Variants in CFAP52 observed in about 807,000 individuals in gnomAD.
CFAP52 encodes the protein cilia- and flagella-associated protein 52.
In CFAP52, 57 loss-of-function variants were observed where a neutral mutation model predicts 70.5. That is an observed-to-expected ratio of 0.81 (90% CI 0.65 to 1.01). The LOEUF is 1.01. Ranked by LOEUF, CFAP52 falls within the 50% of genes least tolerant of loss-of-function variation. The probability of loss-of-function intolerance (pLI) is 0.00; values close to 1 mark genes in which losing one functional copy is unlikely to be tolerated. For missense variants in CFAP52, 785 were observed against 788.5 expected (o/e 1.00, Z 0.05); for synonymous variants, 267 against 292.5 (o/e 0.91, Z 0.89).
intron 4 of CFAP52, among the ~76,000 whole-genome samples, chr17:9,595,537 A>G (rs1322890798): frequency 6.6e-6 from 1 of 152,138 alleles, no homozygotes; most frequent in East Asian, 1.9e-4. Flanking sequence ...TGACTAAGCC[A>G]GGGTTTTATA....
Position 9,633,903 on chromosome 17 carries a change from G to A in CFAP52, c.1320+870G>A, listed in dbSNP as rs1264096013. On this transcript the variant is annotated intron_variant, in intron 10 of 13. Transcript: ENST00000352665. ...TCACCGTGTTAGCCAGGATGGTCTC[G>A]ATCTCCTGACCTCGTGATCCGCCTG... is the stretch of plus-strand genomic sequence containing the variant. Among the ~76,000 whole-genome samples the A allele has an allele frequency of 5.3e-5, 8 of 151,264 alleles. No homozygotes were observed. In the East Asian group the frequency reaches 1.2e-3, roughly 23 times the overall value.
chr17:9,600,592 T>A (rs894548897), intron 6 of CFAP52, among the ~76,000 whole-genome samples: 2 of 151,922 alleles, frequency 1.3e-5, no homozygotes, highest in East Asian at 3.9e-4. Context: ...TGAGAAAGAG[T>A]CTCGCTCTGT....
intron 8 of CFAP52, among the ~76,000 whole-genome samples, chr17:9,616,013 G>C (rs1017773805): frequency 1.3e-5 from 2 of 151,266 alleles, no homozygotes; most frequent in African/African-American, 4.9e-5. Context: ...GGCCGAATAG[G>C]AACAGCTCCG....
chr17:9,631,751 G>C (rs1253649481), intron 9 of CFAP52, among the ~76,000 whole-genome samples: 1 of 151,898 alleles, frequency 6.6e-6, no homozygotes, highest in African/African-American at 2.4e-5. Flanking sequence ...TAAGTGCAGT[G>C]GGAAAATGTT....
intron 8 of CFAP52, among the ~76,000 whole-genome samples, chr17:9,613,522 G>T (rs1909789756): frequency 6.6e-6 from 1 of 151,204 alleles, no homozygotes; most frequent in South Asian, 2.1e-4. Flanking sequence ...TTGTTTGTTT[G>T]TTTGTTTGTT....
intron 1 of CFAP52, among the ~76,000 whole-genome samples, chr17:9,579,769 C>T (rs567622591): frequency 6.6e-6 from 1 of 152,072 alleles, no homozygotes; most frequent in South Asian, 2.1e-4. Flanking sequence ...TGTTTCGCCA[C>T]GTTGGCCAGG....
chr17:9,585,603 G>A (rs1329098783), intron 1 of CFAP52, among the ~76,000 whole-genome samples, 170 bp from the exon 2 acceptor site: 2 of 20,260 alleles, frequency 9.9e-5, no homozygotes, highest in Admixed American at 7.5e-4. Context: ...CCCAGGAGGT[G>A]AAGGTTGCAG....
At position 9,641,670 on chromosome 17, in the gene CFAP52, A is replaced by C. The variant is rs1597799821; in HGVS notation, c.1576-54A>C. ...AGAGCCATCTTTTGTTAGCATGTGC[A>C]TGGATGACTCTCCTGAGCTGAGTCC... On this transcript the variant is annotated intron_variant, in intron 12 of 13. Transcript: ENST00000352665. 6 of 1,336,240 alleles carry C rather than the reference A, an allele frequency of 4.5e-6. No homozygotes were observed. In the African/African-American group the frequency reaches 5.8e-5, roughly 13 times the overall value. 82.8% of individuals were successfully genotyped at this position (1,336,240 alleles called of 1,614,324 possible). A position where few individuals can be genotyped will look rare whatever the true frequency, so the allele number is the denominator to read the frequency against.
At chr17:9,597,381 C>A (rs1020801597) in intron 4 of CFAP52, 4 of 151,766 alleles carry the variant, frequency 2.6e-5, no homozygotes, top group Non-Finnish European at 5.9e-5. Context: ...ATTCTCACCG[C>A]CAAAAAAATG....
chr17:9,607,369 TAAATA>T (rs1171592377), intron 6 of CFAP52, among the ~76,000 whole-genome samples: 2 of 152,106 alleles, frequency 1.3e-5, no homozygotes, highest in Admixed American at 1.3e-4. Flanking sequence ...TAATAACAAA[TAAATA>T]AAATAAAATA....
chr17:9,595,418 C>T (rs956273683), intron 4 of CFAP52, among the ~76,000 whole-genome samples: 1 of 152,022 alleles, frequency 6.6e-6, no homozygotes, highest in East Asian at 1.9e-4. Flanking sequence ...ATTCAGAGGC[C>T]ATGAAGCTAA....
intron 6 of CFAP52, among the ~76,000 whole-genome samples, chr17:9,603,397 G>A (rs1009902919): frequency 3.9e-5 from 6 of 152,054 alleles, no homozygotes; most frequent in Non-Finnish European, 7.4e-5. Flanking sequence ...TTTTAGTAGA[G>A]ACGGGGTTTC....
At chr17:9,631,620 G>A (rs1052942713) in intron 9 of CFAP52, among the ~76,000 whole-genome samples, 9 of 152,226 alleles carry the variant, frequency 5.9e-5, no homozygotes, top group Admixed American at 5.9e-4. Context: ...TTAGTGGGTA[G>A]TTGGGCTAGG....
chr17:9,632,975 C>A lies in CFAP52; in HGVS notation c.1262C>A (p.Thr421Asn). Residue 421 changes from threonine to asparagine, a missense_variant, in exon 10 of 14, where the codon ACC becomes AAC. Thr to Asn is a moderately conservative substitution (Grantham distance 65). Coordinates refer to ENST00000352665, the MANE Select transcript of CFAP52 (RefSeq NM_145054.5). Reference sequence around the variant, plus strand: ...AACAATGCTCACAGGATCGGCGTCACCGCCATCGCCACCACCAGTGACTGT... The same window carrying A: ...AACAATGCTCACAGGATCGGCGTCAACGCCATCGCCACCACCAGTGACTGT... The part of the protein sequence containing the change: ...VINNAHRIGV[T>N]AIATTSDCKR... The A allele has an allele frequency of 6.2e-7, 1 of 1,614,238 alleles. No homozygotes were observed. The highest frequency in any genetic ancestry group is 8.5e-7 in the Non-Finnish European group (1 of 1,180,050).
At chr17:9,602,687 C>T (rs887794486) in intron 6 of CFAP52, among the ~76,000 whole-genome samples, 2 of 152,184 alleles carry the variant, frequency 1.3e-5, no homozygotes, top group Admixed American at 1.3e-4. Flanking sequence ...TGAGGAATCA[C>T]CACACTGTCT....
At chr17:9,640,731 C>T (rs540645629) in intron 12 of CFAP52, among the ~76,000 whole-genome samples, 4 of 152,218 alleles carry the variant, frequency 2.6e-5, no homozygotes, top group South Asian at 4.2e-4. Context: ...ACAACTTTCA[C>T]CTCCTGGGTA....
chr17:9,643,195 C>T lies in CFAP52; in HGVS notation c.1860C>T (p.Ser620=), dbSNP rs1195775715. The change falls in exon 14 of 14, where the codon TCC becomes TCT. Residue 620 remains serine, a synonymous_variant. Transcript: ENST00000352665. ...TGCGATGGAAGTACCCATATACCTC[C>T]TGAAGCTGATGAGATGTCTCTGAGC... ...AILRWKYPYT[S] 6.2e-7 allele frequency: 1 copy of T among 1,603,998 alleles called. No individual in the cohort carries two copies. Among genetic ancestry groups the T allele is most frequent in the South Asian group, 1.1e-5 (1 of 88,802 alleles).
intron 10 of CFAP52, among the ~76,000 whole-genome samples, chr17:9,633,835 C>T (rs1910658615): frequency 6.6e-6 from 1 of 151,356 alleles, no homozygotes; most frequent in Admixed American, 6.6e-5. Flanking sequence ...TGCCACCACG[C>T]CCAGCTAATT....
chr17:9,593,487 G>A (rs554211524), intron 3 of CFAP52, among the ~76,000 whole-genome samples: 8 of 152,146 alleles, frequency 5.3e-5, no homozygotes, highest in African/African-American at 1.4e-4. Flanking sequence ...ACGCAGTCTC[G>A]CTCTCTTGCC....
Sources: gnomAD v4.1 joint callset for allele counts (sites outside exome capture counted in the v4.1 genomes callset) on GRCh38, gnomAD v4.1.1 for gene constraint, MANE v1.5 for transcripts, NCBI Gene and HGNC (gene_info 2026-07-23, HGNC 2026-07-21) for gene names.